IL1RAPL1: variants seen among roughly 807,000 people sequenced by gnomAD.
IL1RAPL1 encodes the protein interleukin-1 receptor accessory protein-like 1.
Under a neutral mutation model 48.4 loss-of-function variants are expected in IL1RAPL1, and 3 were observed. The observed-to-expected ratio is 0.06, with a 90% CI of 0.03 to 0.16. The LOEUF (loss-of-function observed/expected upper bound fraction) is 0.16, where lower values mean the gene tolerates loss of function less well. IL1RAPL1 is among the 10% of genes least tolerant of loss of function. IL1RAPL1 has a pLI of 1.00. For synonymous variants in IL1RAPL1, 185 were observed against 187.7 expected (o/e 0.99, Z 0.12); for missense variants, 349 against 530.6 (o/e 0.66, Z 3.36).
chrX:28,811,894 T>G (rs1364984420), intron 2 of IL1RAPL1, among the ~76,000 whole-genome samples: 21 of 110,972 alleles, frequency 1.9e-4, no homozygotes, highest in Non-Finnish European at 3.6e-4. Flanking sequence ...CTCCCTCATA[T>G]GAGGTGAAAT....
intron 2 of IL1RAPL1, among the ~76,000 whole-genome samples, chrX:29,085,876 G>A (rs1369480016): frequency 9.0e-6 from 1 of 111,671 alleles, no homozygotes; most frequent in Non-Finnish European, 1.9e-5. Flanking sequence ...ATTCATAAGT[G>A]AAACCTCCAG....
rs1933072323 is a variant in IL1RAPL1, at chrX:29,341,386, A to T, written c.363-54872A>T. Among the ~76,000 whole-genome samples the T allele has an allele frequency of 6.2e-5, 7 of 112,219 alleles. No individual in the cohort carries two copies. The Admixed American group carries it at 6.6e-4, about 11-fold the overall frequency. On this transcript the variant is annotated intron_variant, in intron 3 of 10. Coordinates refer to ENST00000378993, the MANE Select transcript of IL1RAPL1 (RefSeq NM_014271.4). Reference sequence around the variant, plus strand: ...AAGTGTATGACAAATGGATACAGAGATACCTACCTGGCATACTCATTTGCA... The same window carrying T: ...AAGTGTATGACAAATGGATACAGAGTTACCTACCTGGCATACTCATTTGCA...
chrX:28,622,836 T>G (rs759888667), intron 1 of IL1RAPL1, among the ~76,000 whole-genome samples: 2 of 112,049 alleles, frequency 1.8e-5, no homozygotes, highest in South Asian at 7.4e-4. Context: ...TTGTCACGTT[T>G]AATTTTCTAC....
chrX:29,176,246 A>G lies in IL1RAPL1; in HGVS notation c.83-106692A>G, dbSNP rs994062914. 1.7e-3 allele frequency among the ~76,000 whole-genome samples: 164 copies of G among 98,563 alleles called. 1 individual carries two copies. Among genetic ancestry groups the G allele is most frequent in the Non-Finnish European group, 7.8e-4 (38 of 48,753 alleles). 85.6% of individuals were successfully genotyped at this position (98,563 alleles called of 115,157 possible). A position where few individuals can be genotyped will look rare whatever the true frequency, so the allele number is the denominator to read the frequency against. On this transcript the variant is annotated intron_variant, in intron 2 of 10. Transcript: ENST00000378993. ...GTAGCTGGGACCACAGGCGCCCACC[A>G]CCACGCCTGGCTAATTTTTTTTTTT... is the stretch of plus-strand genomic sequence containing the variant.
At chrX:28,770,104 G>A (rs1018011220) in intron 1 of IL1RAPL1, among the ~76,000 whole-genome samples, 1 of 111,871 alleles carries the variant, frequency 8.9e-6, no homozygotes, top group Non-Finnish European at 1.9e-5. Context: ...TTCACCAAAC[G>A]GTGAATAAAA....
intron 1 of IL1RAPL1, among the ~76,000 whole-genome samples, chrX:28,770,444 G>A (rs1263330094): frequency 8.9e-6 from 1 of 112,400 alleles, no homozygotes; most frequent in Non-Finnish European, 1.9e-5. Context: ...AGAACAAGGT[G>A]TTATTTCTTC....
chrX:28,714,481 A>G (rs193103691), intron 1 of IL1RAPL1, among the ~76,000 whole-genome samples: 33 of 112,148 alleles, frequency 2.9e-4, no homozygotes, highest in African/African-American at 9.4e-4. Context: ...GGAAACTTCA[A>G]GCCTTATGTC....
chrX:29,695,191 C>T (rs1332253643), intron 6 of IL1RAPL1, among the ~76,000 whole-genome samples: 2 of 111,688 alleles, frequency 1.8e-5, no homozygotes, highest in Non-Finnish European at 3.8e-5. Flanking sequence ...ATTTAAAACA[C>T]CAACTAGATT....
intron 5 of IL1RAPL1, among the ~76,000 whole-genome samples, chrX:29,608,873 A>G (rs956936261): frequency 1.8e-5 from 2 of 111,591 alleles, no homozygotes; most frequent in Non-Finnish European, 3.8e-5. Context: ...ATATTCAGCA[A>G]TCAGCGTCAT....
At chrX:28,773,264 G>A (rs907359837) in intron 1 of IL1RAPL1, among the ~76,000 whole-genome samples, 4 of 110,637 alleles carry the variant, frequency 3.6e-5, no homozygotes, top group Non-Finnish European at 7.6e-5. Context: ...TTTTGAAGAG[G>A]CAGGGTCTCA....
intron 6 of IL1RAPL1, among the ~76,000 whole-genome samples, chrX:29,702,630 C>T (rs778403012): frequency 6.3e-5 from 7 of 111,701 alleles, no homozygotes; most frequent in South Asian, 7.5e-4. Flanking sequence ...TGTTCATTTG[C>T]GTGATCTTAG....
At chrX:29,368,404 C>T (rs765645744) in intron 3 of IL1RAPL1, among the ~76,000 whole-genome samples, 9 of 111,343 alleles carry the variant, frequency 8.1e-5, no homozygotes, top group South Asian at 3.7e-4. Context: ...TGTTTTGAGA[C>T]AAGGTCTTGC....
At chrX:28,948,110 A>T (rs1005451500) in intron 2 of IL1RAPL1, among the ~76,000 whole-genome samples, 1 of 111,648 alleles carries the variant, frequency 9.0e-6, no homozygotes, top group African/African-American at 3.2e-5. Flanking sequence ...CTTCTGACTG[A>T]CTAGAAGTCT....
At chrX:29,247,689 G>A (rs774911463) in intron 2 of IL1RAPL1, among the ~76,000 whole-genome samples, 1 of 111,554 alleles carries the variant, frequency 9.0e-6, no homozygotes, top group South Asian at 3.8e-4. Context: ...GGCTGAGGCA[G>A]GAGAATCGCT....
At chrX:28,887,073 GGTTT>G (rs1922650351) in intron 2 of IL1RAPL1, among the ~76,000 whole-genome samples, 2 of 111,712 alleles carry the variant, frequency 1.8e-5, no homozygotes, top group Non-Finnish European at 3.8e-5. Flanking sequence ...ATATCTCCAA[GGTTT>G]TACTATGGCT....
chrX:28,658,035 C>A (rs1934769124), intron 1 of IL1RAPL1, among the ~76,000 whole-genome samples: 2 of 111,494 alleles, frequency 1.8e-5, no homozygotes. Context: ...ATGATTGATC[C>A]ATTTTAGGTC....
chrX:29,942,981 A>C (rs1009204056), intron 9 of IL1RAPL1, among the ~76,000 whole-genome samples: 3 of 110,150 alleles, frequency 2.7e-5, no homozygotes, highest in African/African-American at 9.9e-5. Context: ...AAATGGTACC[A>C]AGGAAAATGA....
chrX:29,533,698 T>C (rs1442600524), intron 5 of IL1RAPL1, among the ~76,000 whole-genome samples: 1 of 112,205 alleles, frequency 8.9e-6, no homozygotes, highest in Non-Finnish European at 1.9e-5. Flanking sequence ...CTGTACCACT[T>C]TACATCCCCA....
intron 2 of IL1RAPL1, among the ~76,000 whole-genome samples, chrX:28,857,371 G>A (rs547938880): frequency 8.9e-6 from 1 of 111,943 alleles, no homozygotes; most frequent in South Asian, 3.7e-4. Flanking sequence ...TGTATACAAA[G>A]CAGCCCTCTA....
Sources: gnomAD v4.1 joint callset for allele counts (sites outside exome capture counted in the v4.1 genomes callset) on GRCh38, gnomAD v4.1.1 for gene constraint, MANE v1.5 for transcripts, NCBI Gene and HGNC (gene_info 2026-07-23, HGNC 2026-07-21) for gene names.